PACSIN2: variants seen among roughly 807,000 people sequenced by gnomAD.
The protein encoded by PACSIN2 is protein kinase C and casein kinase substrate in neurons 2.
PACSIN2 carries 25 observed loss-of-function variants against 63.8 expected under a neutral mutation model. The observed-to-expected ratio is 0.39, with a 90% CI of 0.29 to 0.55. The LOEUF is 0.55. PACSIN2 is among the 20% of genes least tolerant of loss of function. The probability of loss-of-function intolerance (pLI) is 0.62; values close to 1 mark genes in which losing one functional copy is unlikely to be tolerated. For missense variants in PACSIN2, 518 were observed against 646.9 expected (o/e 0.80, Z 2.16); for synonymous variants, 255 against 256.2 (o/e 1.00, Z 0.05).
chr22:42,930,759 T>C (rs1342628044), intron 1 of PACSIN2, among the ~76,000 whole-genome samples: 1 of 152,172 alleles, frequency 6.6e-6, no homozygotes, highest in Non-Finnish European at 1.5e-5. Context: ...CAAAAGTAAA[T>C]TTATAGATGA....
intron 2 of PACSIN2, 102 bp downstream of exon 2, chr22:42,911,919 T>A (rs896986451): frequency 1.3e-6 from 1 of 774,432 alleles, no homozygotes; most frequent in African/African-American, 1.8e-5. Context: ...GGTTTGGGGG[T>A]ATGTTCACCT....
chr22:43,014,283 T>C lies in PACSIN2; in HGVS notation c.-78+738A>G, dbSNP rs560842206. ...GGCCTCTCCTGCTTGGCCCCAGCCCTAGGACGTGCTGCGGTAAGGGCTTTG... is the reference window on the plus strand; with the variant it reads ...GGCCTCTCCTGCTTGGCCCCAGCCCCAGGACGTGCTGCGGTAAGGGCTTTG... On this transcript the variant is annotated intron_variant, in intron 1 of 10. Coordinates refer to ENST00000263246, the MANE Select transcript of PACSIN2 (RefSeq NM_001184970.3). Among the ~76,000 whole-genome samples the C allele has an allele frequency of 2.6e-5, 3 of 115,020 alleles. No individual in the cohort carries two copies. In the East Asian group the frequency reaches 8.2e-4, roughly 32 times the overall value. 75.5% of individuals were successfully genotyped at this position (115,020 alleles called of 152,430 possible). A position where few individuals can be genotyped will look rare whatever the true frequency, so the allele number is the denominator to read the frequency against.
chr22:42,877,002 T>C lies in PACSIN2; in HGVS notation c.1037A>G (p.Asn346Ser). 1 of 1,614,014 alleles carries C rather than the reference T, an allele frequency of 6.2e-7. No homozygotes were observed. Among genetic ancestry groups the C allele is most frequent in the Non-Finnish European group, 8.5e-7 (1 of 1,179,946 alleles). The change falls in exon 9 of 11, where the codon AAT becomes AGT. Residue 346 changes from asparagine to serine, a missense_variant. Physicochemically the swap from Asn to Ser is conservative, Grantham distance 46. This residue lies in a region of PACSIN2 where 507 missense variants were observed against 612.3 expected (regional missense o/e 0.83). Transcript: ENST00000263246. ...AGACTGGGCGGGGTTGCTCGGGACA[T>C]TAAGGGTGCTATGGAGAGAGAGAGC... ...SLPSKPSSTL[N>S]VPSNPAQSAQ... is the part of the protein sequence containing the mutation.
intron 1 of PACSIN2, among the ~76,000 whole-genome samples, chr22:42,924,265 G>C (rs779764091): frequency 6.6e-6 from 1 of 152,090 alleles, no homozygotes; most frequent in Non-Finnish European, 1.5e-5. Flanking sequence ...CCTCTCCTTT[G>C]TGTGGCTGCA....
intron 1 of PACSIN2, among the ~76,000 whole-genome samples, chr22:42,944,876 T>A (rs1276567579): frequency 6.6e-6 from 1 of 152,122 alleles, no homozygotes; most frequent in Non-Finnish European, 1.5e-5. Context: ...GATGGGTGGA[T>A]CACCTGAGGT....
intron 2 of PACSIN2, 74 bp downstream of exon 2, chr22:42,911,947 C>T (rs1241032002): frequency 2.6e-6 from 3 of 1,147,504 alleles, no homozygotes; most frequent in Non-Finnish European, 3.8e-6. Flanking sequence ...CAACCTCCAC[C>T]AAAAAAACCA....
At chr22:42,890,388 A>T (rs1569227574) in intron 4 of PACSIN2, among the ~76,000 whole-genome samples, 1 of 152,210 alleles carries the variant, frequency 6.6e-6, no homozygotes, top group African/African-American at 2.4e-5. Context: ...CTCTACCACC[A>T]ATGTATGGTT....
chr22:42,888,837 G>A, intron 4 of PACSIN2, 39 bp from the exon 5 acceptor site: 1 of 1,607,462 alleles, frequency 6.2e-7, no homozygotes, highest in Non-Finnish European at 8.5e-7. Flanking sequence ...ATGTCACTGG[G>A]AGTTCAGGAT....
intron 1 of PACSIN2, among the ~76,000 whole-genome samples, chr22:42,916,635 C>T (rs753495262): frequency 1.3e-5 from 2 of 152,140 alleles, no homozygotes; most frequent in Non-Finnish European, 2.9e-5. Context: ...CCCCCAACTG[C>T]TTGCACACCT....
intron 1 of PACSIN2, among the ~76,000 whole-genome samples, chr22:42,969,905 AAAAAAAAAAAGAAAAAG>A (rs1480341574): frequency 3.5e-5 from 4 of 112,678 alleles, no homozygotes; most frequent in South Asian, 2.9e-4. Context: ...GCTGGCCCTT[AAAAAAAAAAAGAAAAAG>A]AAAAAAAAAA....
chr22:42,942,358 A>T (rs187939796), intron 1 of PACSIN2, among the ~76,000 whole-genome samples: 1 of 152,210 alleles, frequency 6.6e-6, no homozygotes, highest in Admixed American at 6.5e-5. Flanking sequence ...AAAAGTTCTT[A>T]ATTTTTATGA....
At chr22:42,959,335 GA>G (rs1168624061) in intron 1 of PACSIN2, among the ~76,000 whole-genome samples, 5 of 152,130 alleles carry the variant, frequency 3.3e-5, no homozygotes, top group African/African-American at 1.2e-4. Context: ...AAAGTAGGGG[GA>G]AAAGCCCTCT....
chr22:42,924,008 C>T (rs1932371125), intron 1 of PACSIN2, among the ~76,000 whole-genome samples: 1 of 150,864 alleles, frequency 6.6e-6, no homozygotes, highest in Non-Finnish European at 1.5e-5. Context: ...TGCCACTGCA[C>T]TTCAATCTGG....
At chr22:42,989,979 T>C (rs1922915935) in intron 1 of PACSIN2, among the ~76,000 whole-genome samples, 1 of 117,980 alleles carries the variant, frequency 8.5e-6, no homozygotes. Flanking sequence ...AAAAAGAAGA[T>C]ATATTTATAT....
At chr22:42,889,007 G>A (rs148404887) in intron 4 of PACSIN2, among the ~76,000 whole-genome samples, 54 of 152,330 alleles carry the variant, frequency 3.5e-4, no homozygotes, top group African/African-American at 1.3e-3. Flanking sequence ...TGCATGGTTC[G>A]AGGCACCAGG....
intron 1 of PACSIN2, among the ~76,000 whole-genome samples, chr22:42,965,492 G>T (rs1270407555): frequency 6.6e-6 from 1 of 152,214 alleles, no homozygotes; most frequent in Non-Finnish European, 1.5e-5. Context: ...GCCCCCAGCA[G>T]AAGTCTAGTA....
chr22:42,973,944 A>T (rs1921504421), intron 1 of PACSIN2, among the ~76,000 whole-genome samples: 1 of 152,266 alleles, frequency 6.6e-6, no homozygotes, highest in South Asian at 2.1e-4. Flanking sequence ...ACAGAAGCGT[A>T]GCCTTAACTT....
intron 1 of PACSIN2, among the ~76,000 whole-genome samples, chr22:42,954,212 G>A (rs1933820461): frequency 1.3e-5 from 2 of 152,152 alleles, no homozygotes; most frequent in South Asian, 4.1e-4. Context: ...GCAGTGAGCC[G>A]AGATCATGCC....
chr22:42,929,057 T>C (rs1320853907), intron 1 of PACSIN2, among the ~76,000 whole-genome samples: 1 of 152,224 alleles, frequency 6.6e-6, no homozygotes, highest in African/African-American at 2.4e-5. Context: ...AGCCGAGTAA[T>C]TATAAGAGTG....
Sources: allele counts gnomAD v4.1 joint callset (sites outside exome capture counted in the v4.1 genomes callset), GRCh38; gene constraint gnomAD v4.1.1; regional missense constraint gnomAD v4.1.1; transcripts MANE v1.5; gene names NCBI Gene and HGNC (gene_info 2026-07-23, HGNC 2026-07-21).